RIPOR2: variants seen among roughly 807,000 people sequenced by gnomAD.
RIPOR2 encodes rho family-interacting cell polarization regulator 2.
In RIPOR2, 39 loss-of-function variants were observed where a neutral mutation model predicts 114.5. That is an observed-to-expected ratio of 0.34 (90% CI 0.26 to 0.44). RIPOR2 has a LOEUF of 0.44. RIPOR2 is among the 20% of genes least tolerant of loss of function. RIPOR2 has a pLI of 1.00. For missense variants in RIPOR2, 1,007 were observed against 1,255.1 expected (o/e 0.80, Z 2.99); for synonymous variants, 445 against 484.4 (o/e 0.92, Z 1.07).
intron 1 of RIPOR2, among the ~76,000 whole-genome samples, chr6:25,011,026 A>C (rs1276256353): frequency 6.6e-6 from 1 of 152,118 alleles, no homozygotes; most frequent in Non-Finnish European, 1.5e-5. Flanking sequence ...TGTCCCTTAT[A>C]TCTTCTGCCT....
At chr6:24,811,663 T>TACATTCTAGCTCTCTCCCTGC (rs1562212352) in intron 20 of RIPOR2, among the ~76,000 whole-genome samples, 3 of 48,726 alleles carry the variant, frequency 6.2e-5, no homozygotes, top group African/African-American at 6.8e-5. Context: ...AGTACTTTTT[T>TACATTCTAGCTCTCTCCCTGC]TTTTTTTTTT....
chr6:24,964,147 CTGTGTGTGTGTGTG>C, intron 1 of RIPOR2, among the ~76,000 whole-genome samples: 1 of 146,710 alleles, frequency 6.8e-6, no homozygotes, highest in Non-Finnish European at 1.5e-5. Context: ...GACATTGGCT[CTGTGTGTGTGTGTG>C]TGTGTGTGTG....
rs1366672983 is a variant in RIPOR2, at chr6:24,830,625, G to T, written c.2390C>A (p.Thr797Asn). 2.6e-6 allele frequency: 4 copies of T among 1,551,376 alleles called. No individual in the cohort carries two copies. In the Admixed American group the frequency reaches 5.9e-5, roughly 23 times the overall value. ...GACACCAACAGGGCTGCAGCACTTG[G>T]TCCAGAATGACAGCAAAGACAGCTT... Reference protein sequence around the residue: ...HKKLSLLSFWTKCCSPVGVYH... With the variant: ...HKKLSLLSFWNKCCSPVGVYH... The change falls in exon 17 of 22, where the codon ACC (threonine) becomes AAC (asparagine). Residue 797 changes from threonine (T) to asparagine (N), a missense_variant. By Grantham distance (65) the Thr-to-Asn change is moderately conservative. Transcript: ENST00000643898.
intron 1 of RIPOR2, among the ~76,000 whole-genome samples, chr6:24,909,434 G>A (rs1769326508): frequency 6.6e-6 from 1 of 152,092 alleles, no homozygotes; most frequent in Admixed American, 6.6e-5. Flanking sequence ...GGCAAGCTCA[G>A]AGGCTGGTCC....
chr6:24,909,176 T>C (rs1294089624), intron 1 of RIPOR2, among the ~76,000 whole-genome samples: 1 of 152,188 alleles, frequency 6.6e-6, no homozygotes, highest in Non-Finnish European at 1.5e-5. Context: ...AAGGGGAAGC[T>C]AGCACAGAAA....
At chr6:24,843,698 CGTGTGTGTGTGTGTGTGTGTGT>C (rs34540028) in intron 12 of RIPOR2, 144 bp from the exon 13 acceptor site, 11 of 368,320 alleles carry the variant, frequency 3.0e-5, no homozygotes, top group East Asian at 2.7e-4. Flanking sequence ...TTGTTGATGC[CGTGTGTGTGTGTGTGTGTGTGT>C]GTGTGTGTGT....
At chr6:24,829,906 G>A (rs961413126) in intron 17 of RIPOR2, among the ~76,000 whole-genome samples, 4 of 152,218 alleles carry the variant, frequency 2.6e-5, no homozygotes, top group African/African-American at 9.6e-5. Context: ...TGACACTCTC[G>A]TACTGGTGAA....
At chr6:24,844,525 C>T (rs1236378092) in intron 12 of RIPOR2, among the ~76,000 whole-genome samples, 2 of 151,136 alleles carry the variant, frequency 1.3e-5, no homozygotes, top group African/African-American at 2.4e-5. Flanking sequence ...GGCTGGAGGG[C>T]AATGGTGCGA....
At chr6:25,006,330 CA>C (rs1775561920) in intron 1 of RIPOR2, among the ~76,000 whole-genome samples, 1 of 152,150 alleles carries the variant, frequency 6.6e-6, no homozygotes, top group Non-Finnish European at 1.5e-5. Flanking sequence ...AAACAATGCA[CA>C]AAAAATGGCA....
chr6:24,956,183 T>A (rs1254753064), intron 1 of RIPOR2, among the ~76,000 whole-genome samples: 1 of 152,046 alleles, frequency 6.6e-6, no homozygotes, highest in Non-Finnish European at 1.5e-5. Context: ...TTTCCACACA[T>A]GATTGTGTGT....
chr6:24,927,287 C>CCACTACAACTACAGTTACCACCACCAT lies in RIPOR2; in HGVS notation c.61+8550_61+8551insATGGTGGTGGTAACTGTAGTTGTAGTG, dbSNP rs1554119839. ...ACCACAGCTACAATCACCACCACCA[C>CCACTACAACTACAGTTACCACCACCAT]CACCACCACCACCACCACAACTACA... is the stretch of plus-strand genomic sequence containing the variant. On this transcript the variant is annotated intron_variant, in intron 1 of 21. Coordinates refer to ENST00000643898, the MANE Select transcript of RIPOR2 (RefSeq NM_001286445.3). Among the ~76,000 whole-genome samples the CCACTACAACTACAGTTACCACCACCAT allele has an allele frequency of 2.8e-3, 50 of 17,932 alleles. 7 individuals carry two copies. Among genetic ancestry groups the CCACTACAACTACAGTTACCACCACCAT allele is most frequent in the African/African-American group, 7.8e-3 (42 of 5,380 alleles). 11.8% of individuals were successfully genotyped at this position (17,932 alleles called of 152,430 possible). A position where few individuals can be genotyped will look rare whatever the true frequency, so the allele number is the denominator to read the frequency against.
intron 1 of RIPOR2, among the ~76,000 whole-genome samples, chr6:24,922,171 A>G (rs565005464): frequency 1.1e-4 from 16 of 152,262 alleles, no homozygotes; most frequent in Non-Finnish European, 2.1e-4. Flanking sequence ...AACCTTATTT[A>G]TATCCCTAAA....
intron 9 of RIPOR2, 30 bp downstream of exon 9, chr6:24,852,545 T>C: frequency 6.3e-7 from 1 of 1,585,220 alleles, no homozygotes; most frequent in South Asian, 1.1e-5. Context: ...AGGTCCATAA[T>C]TCCAGCACCT....
At chr6:24,844,133 C>A (rs1157437587) in intron 12 of RIPOR2, among the ~76,000 whole-genome samples, 1 of 152,172 alleles carries the variant, frequency 6.6e-6, no homozygotes, top group Non-Finnish European at 1.5e-5. Context: ...CATACATTTG[C>A]ATAGCTTCTC....
chr6:25,031,698 GTTATATATATATATATATATATAT>G (rs1776948802), intron 1 of RIPOR2, among the ~76,000 whole-genome samples: 2 of 48,020 alleles, frequency 4.2e-5, no homozygotes, highest in Admixed American at 3.4e-4. Flanking sequence ...GTAGGTGGTA[GTTATATATATATATATATATATAT>G]ATATATATAT....
chr6:24,951,169 C>T (rs1196102293), intron 1 of RIPOR2, among the ~76,000 whole-genome samples: 1 of 152,156 alleles, frequency 6.6e-6, no homozygotes, highest in Non-Finnish European at 1.5e-5. Context: ...GTCACCAGGT[C>T]ACAGGTGTCA....
At chr6:24,958,661 A>G (rs1250236700) in intron 1 of RIPOR2, among the ~76,000 whole-genome samples, 1 of 152,168 alleles carries the variant, frequency 6.6e-6, no homozygotes, top group East Asian at 1.9e-4. Context: ...ATGTCTGCCT[A>G]TAATTTGGGG....
chr6:24,915,499 G>A (rs1162905124), intron 1 of RIPOR2, among the ~76,000 whole-genome samples: 1 of 151,750 alleles, frequency 6.6e-6, no homozygotes, highest in Non-Finnish European at 1.5e-5. Context: ...GGATTACGTG[G>A]GATTACAGGC....
rs1360399181 is a variant in RIPOR2, at chr6:24,858,812, G to A, written c.715+2161C>T. Among the ~76,000 whole-genome samples the A allele has an allele frequency of 6.6e-6, 1 of 152,138 alleles. No individual in the cohort carries two copies. Among genetic ancestry groups the A allele is most frequent in the Non-Finnish European group, 1.5e-5 (1 of 68,004 alleles). Reference sequence around the variant, plus strand: ...AAGTTCATCAGTCCATCAGGGCTGCGATGTAGCGGGGTGGCCAGGTCCCCC... The same window carrying A: ...AAGTTCATCAGTCCATCAGGGCTGCAATGTAGCGGGGTGGCCAGGTCCCCC... On this transcript the variant is annotated intron_variant, in intron 8 of 21. Transcript: ENST00000643898. The surrounding 1 kb of genome is among the most constrained non-coding windows in gnomAD (Gnocchi z 4.0).
Sources: allele counts gnomAD v4.1 joint callset (sites outside exome capture counted in the v4.1 genomes callset), GRCh38; gene constraint gnomAD v4.1.1; non-coding constraint Gnocchi (gnomAD v3.1); transcripts MANE v1.5; gene names NCBI Gene and HGNC (gene_info 2026-07-23, HGNC 2026-07-21).